The following SVEP1 variants were observed in gnomAD, a reference collection of about 807,000 sequenced individuals.
SVEP1 encodes sushi, von Willebrand factor type A, EGF and pentraxin domain-containing protein 1.
Under a neutral mutation model 367.3 loss-of-function variants are expected in SVEP1, and 164 were observed. The ratio of observed to expected loss-of-function variants is 0.45; its 90% CI spans 0.39 to 0.51. The LOEUF (loss-of-function observed/expected upper bound fraction) is 0.51, where lower values mean the gene tolerates loss of function less well. Ranked by LOEUF, SVEP1 falls within the 20% of genes least tolerant of loss-of-function variation. SVEP1 has a pLI of 0.00. For synonymous variants in SVEP1, 1,666 were observed against 1,611.6 expected (o/e 1.03, Z -0.81); for missense variants, 4,117 against 4,425.3 (o/e 0.93, Z 1.98).
In SVEP1 at chr9:110,408,934, G is replaced by A. The variant is rs1243481144; in HGVS notation, c.6666C>T (p.Ile2222=). Residue 2222 remains isoleucine, a synonymous_variant, in exon 38 of 48, where the codon ATC becomes ATT. Transcript: ENST00000374469. ...NGFLEHTTGR[I]FESEVRYQCN... is the part of the protein sequence containing the mutation. ...ACTGATACCTCACTTCACTCTCAAA[G>A]ATCCTGCCAGTTGTATGCTGTGCAA... The A allele has an allele frequency of 6.3e-7, 1 of 1,588,002 alleles. No individual in the cohort carries two copies. The highest frequency in any genetic ancestry group is 8.6e-7 in the Non-Finnish European group (1 of 1,167,360).
intron 3 of SVEP1, among the ~76,000 whole-genome samples, chr9:110,526,172 A>T (rs1377241620): frequency 1.3e-5 from 2 of 152,174 alleles, no homozygotes. Context: ...TAGAAATAAA[A>T]TTGATAACTG....
At position 110,465,859 on chromosome 9, in the gene SVEP1, G is replaced by C. The variant is rs766031478; in HGVS notation, c.3322+6C>G. 6.2e-7 allele frequency: 1 copy of C among 1,611,352 alleles called. No individual in the cohort carries two copies. Among genetic ancestry groups the C allele is most frequent in the African/African-American group, 1.3e-5 (1 of 74,874 alleles). On this transcript the variant is annotated splice_donor_region_variant and intron_variant, in intron 18 of 47. Coordinates refer to ENST00000374469, the MANE Select transcript of SVEP1 (RefSeq NM_153366.4). ...AAGAAATATCAATGTCTAAGGCTTT[G>C]ATAACCTCCACATGCAGAAATGTTC...
At chr9:110,389,681 C>T (rs906596990) in intron 40 of SVEP1, 94 bp from the exon 41 acceptor site, 39 of 1,379,946 alleles carry the variant, frequency 2.8e-5, no homozygotes, top group African/African-American at 7.4e-5. Context: ...GGCCTTGAAT[C>T]GCTCAGCACT....
chr9:110,536,596 G>A (rs1830082797), intron 3 of SVEP1, among the ~76,000 whole-genome samples: 1 of 151,870 alleles, frequency 6.6e-6, no homozygotes, highest in Non-Finnish European at 1.5e-5. Context: ...TTTTACTAGG[G>A]TACATTGCCC....
At chr9:110,458,678 T>C (rs184170686) in intron 19 of SVEP1, 116 bp from the exon 20 acceptor site, 1 of 1,070,492 alleles carries the variant, frequency 9.3e-7, no homozygotes, top group African/African-American at 1.6e-5. Flanking sequence ...ATATATTTTG[T>C]TTCACTTATA....
chr9:110,497,783 A>C (rs1488166651), intron 7 of SVEP1, among the ~76,000 whole-genome samples: 1 of 152,224 alleles, frequency 6.6e-6, no homozygotes, highest in Non-Finnish European at 1.5e-5. Flanking sequence ...TACATCTTTT[A>C]TTTTAATTTA....
chr9:110,406,257 G>C lies in SVEP1; in HGVS notation c.9343C>G (p.Pro3115Ala). The change falls in exon 38 of 48, where the codon CCA (proline) becomes GCA (alanine). Residue 3115 changes from proline to alanine, a missense_variant. Physicochemically the swap from Pro to Ala is conservative, Grantham distance 27. Around this residue, in one of 4 missense-constraint regions of SVEP1, gnomAD observed 1,765 missense variants for 1,781.1 expected, o/e 0.99. Coordinates refer to ENST00000374469, the MANE Select transcript of SVEP1 (RefSeq NM_153366.4). ...TEKGVWSQPY[P>A]VCEPLSCGSP... Reference sequence around the variant, plus strand: ...CCACAGGACAAGGGCTCACAGACTGGATAAGGCTGGCTCCATACCCCTTTC... The same window carrying C: ...CCACAGGACAAGGGCTCACAGACTGCATAAGGCTGGCTCCATACCCCTTTC... 1.2e-6 allele frequency: 2 copies of C among 1,614,042 alleles called. No homozygotes were observed. Among genetic ancestry groups the C allele is most frequent in the Non-Finnish European group, 1.7e-6 (2 of 1,179,892 alleles).
intron 1 of SVEP1, among the ~76,000 whole-genome samples, chr9:110,575,558 A>G (rs1830617617): frequency 6.6e-6 from 1 of 152,190 alleles, no homozygotes; most frequent in African/African-American, 2.4e-5. Context: ...ACACACAGAG[A>G]GCATTTTTAG....
At chr9:110,428,614 T>G (rs1244942576) in intron 35 of SVEP1, among the ~76,000 whole-genome samples, 1 of 152,214 alleles carries the variant, frequency 6.6e-6, no homozygotes, top group Non-Finnish European at 1.5e-5. Context: ...GTCTGAATGC[T>G]TACAGCAATT....
chr9:110,474,388 T>C (rs1170828170), intron 14 of SVEP1, among the ~76,000 whole-genome samples: 30 of 152,230 alleles, frequency 2.0e-4, no homozygotes, highest in Non-Finnish European at 2.9e-5. Flanking sequence ...CATTATGACC[T>C]TCCAAGGCAT....
intron 26 of SVEP1, among the ~76,000 whole-genome samples, chr9:110,444,545 A>C (rs115732402): frequency 6.6e-6 from 1 of 152,354 alleles, no homozygotes; most frequent in Non-Finnish European, 1.5e-5. Context: ...GAAAAGAATA[A>C]TTGAAACAAC....
chr9:110,397,351 A>G (rs1002738304), intron 40 of SVEP1, among the ~76,000 whole-genome samples: 4 of 152,260 alleles, frequency 2.6e-5, no homozygotes, highest in African/African-American at 9.6e-5. Context: ...TCTCAAAATA[A>G]TAAGAGCTAT....
At chr9:110,559,735 C>A (rs1456961430) in intron 1 of SVEP1, among the ~76,000 whole-genome samples, 3 of 151,946 alleles carry the variant, frequency 2.0e-5, no homozygotes, top group Non-Finnish European at 2.9e-5. Flanking sequence ...TGGATACACA[C>A]ACAAAATGAT....
At chr9:110,472,052 C>T in intron 15 of SVEP1, 107 bp downstream of exon 15, 2 of 1,166,008 alleles carry the variant, frequency 1.7e-6, no homozygotes, top group Non-Finnish European at 2.4e-6. Context: ...ATTCTCAATT[C>T]CAGAGTCATT....
At chr9:110,531,287 C>T (rs185695492) in intron 3 of SVEP1, among the ~76,000 whole-genome samples, 237 of 152,156 alleles carry the variant, frequency 1.6e-3, no homozygotes, top group African/African-American at 5.5e-3. Context: ...CATTTGTAAA[C>T]CTCAAGTTTT....
intron 3 of SVEP1, among the ~76,000 whole-genome samples, chr9:110,545,228 G>A (rs1162183235): frequency 6.6e-6 from 1 of 152,190 alleles, no homozygotes; most frequent in Non-Finnish European, 1.5e-5. Flanking sequence ...CAAGAAACAT[G>A]CATATGCAAA....
chr9:110,459,172 G>T lies in SVEP1; in HGVS notation c.3323-59C>A, dbSNP rs543969495. 209 of 1,525,964 alleles carry T rather than the reference G, an allele frequency of 1.4e-4. 2 individuals are homozygous for T. The South Asian group carries it at 2.3e-3, about 16-fold the overall frequency. 94.5% of individuals were successfully genotyped at this position (1,525,964 alleles called of 1,614,324 possible). ...AAAGTAACACACCCTACATTTGAAA[G>T]AAGTGATTTAATCTGTGCATATAAG... On this transcript the variant is annotated intron_variant, in intron 18 of 47. Transcript: ENST00000374469.
At chr9:110,508,484 G>A (rs372394683) in intron 5 of SVEP1, among the ~76,000 whole-genome samples, 18 of 152,164 alleles carry the variant, frequency 1.2e-4, no homozygotes, top group African/African-American at 4.1e-4. Context: ...AATTCTGGCC[G>A]GGTGCGGTGG....
chr9:110,561,958 A>C (rs1830436930), intron 1 of SVEP1, among the ~76,000 whole-genome samples: 1 of 152,176 alleles, frequency 6.6e-6, no homozygotes, highest in African/African-American at 2.4e-5. Flanking sequence ...GAAGAACCAG[A>C]GGGTCAAAGA....
Sources: gnomAD v4.1 joint callset for allele counts (sites outside exome capture counted in the v4.1 genomes callset) on GRCh38, gnomAD v4.1.1 for gene constraint, gnomAD v4.1.1 regional missense constraint, MANE v1.5 for transcripts, NCBI Gene and HGNC (gene_info 2026-07-23, HGNC 2026-07-21) for gene names.